Variants in AKAP12 observed in about 807,000 individuals in gnomAD.
AKAP12 encodes the protein A-kinase anchoring protein 12, also known as A-kinase anchor protein 12.
Under a neutral mutation model 79.9 loss-of-function variants are expected in AKAP12, and 32 were observed. The observed-to-expected ratio is 0.40, with a 90% confidence interval of 0.30 to 0.54. The LOEUF is 0.54. AKAP12 is among the 20% of genes least tolerant of loss of function. The pLI is 0.48. For synonymous variants in AKAP12, 808 were observed against 857.0 expected, an observed-to-expected ratio of 0.94 and a Z score of 1.00; for missense variants, 2,074 against 2,177.0, an observed-to-expected ratio of 0.95 and a Z score of 0.94.
At chr6:151,283,562 C>T (rs758226477) in intron 2 of AKAP12, among the ~76,000 whole-genome samples, 8 of 152,192 alleles carry the variant, frequency 5.3e-5, no homozygotes, top group Non-Finnish European at 1.0e-4. Context: ...GTCTGTCCTA[C>T]GCGCTTGGTA....
chr6:151,261,899 G>A (rs1054864456), intron 2 of AKAP12, among the ~76,000 whole-genome samples: 10 of 151,880 alleles, frequency 6.6e-5, no homozygotes, highest in Non-Finnish European at 1.5e-4. Flanking sequence ...TCACATGGGA[G>A]CAAAGTAATA....
Position 151,349,262 on chromosome 6 carries a change from G to A in AKAP12, c.871G>A (p.Glu291Lys). Reference sequence around the variant, plus strand: ...ATCTCCGACTAGTCCCGTGACCAGTGAAACAGGATCAACCTTCAAAAAATT... The same window carrying A: ...ATCTCCGACTAGTCCCGTGACCAGTAAAACAGGATCAACCTTCAAAAAATT... ...AESPTSPVTS[E>K]TGSTFKKFFT... is the part of the protein sequence containing the mutation. The change falls in exon 4 of 5, where the codon GAA becomes AAA. Residue 291 changes from glutamate (E) to lysine (K), a missense_variant. Physicochemically the swap from Glu to Lys is moderately conservative, Grantham distance 56. Around this residue, in one of 3 missense-constraint regions of AKAP12, gnomAD observed 1,428 missense variants for 1,451.0 expected, o/e 0.98. Coordinates refer to ENST00000402676, the MANE Select transcript of AKAP12 (RefSeq NM_005100.4). 1.2e-6 allele frequency: 2 copies of A among 1,613,424 alleles called. No homozygotes were observed. Among genetic ancestry groups the A allele is most frequent in the Non-Finnish European group, 8.5e-7 (1 of 1,179,888 alleles).
intron 2 of AKAP12, among the ~76,000 whole-genome samples, chr6:151,258,384 T>C (rs1797344461): frequency 6.6e-6 from 1 of 152,230 alleles, no homozygotes; most frequent in Non-Finnish European, 1.5e-5. Flanking sequence ...CTGGCTTTTT[T>C]CAGCATTGGA....
At chr6:151,259,671 C>T (rs1797381129) in intron 2 of AKAP12, among the ~76,000 whole-genome samples, 1 of 150,588 alleles carries the variant, frequency 6.6e-6, no homozygotes, top group Non-Finnish European at 1.5e-5. Flanking sequence ...CTCCACCTGC[C>T]AGGTTCAAGC....
At chr6:151,268,447 T>C (rs1776100784) in intron 2 of AKAP12, among the ~76,000 whole-genome samples, 1 of 152,124 alleles carries the variant, frequency 6.6e-6, no homozygotes, top group Non-Finnish European at 1.5e-5. Context: ...ATAGTGTGAC[T>C]ATATGTTCTC....
At chr6:151,261,729 A>AT (rs1476286197) in intron 2 of AKAP12, among the ~76,000 whole-genome samples, 23 of 141,596 alleles carry the variant, frequency 1.6e-4, no homozygotes, top group Admixed American at 1.4e-3. Flanking sequence ...AGTGGTTTTT[A>AT]TTATTTTATT....
At chr6:151,272,694 C>T (rs1776213549) in intron 2 of AKAP12, among the ~76,000 whole-genome samples, 1 of 152,272 alleles carries the variant, frequency 6.6e-6, no homozygotes, top group East Asian at 1.9e-4. Flanking sequence ...TGCTGCCACG[C>T]CCTGTTCATT....
At chr6:151,298,848 C>T (rs1424270934) in intron 2 of AKAP12, 2 of 151,652 alleles carry the variant, frequency 1.3e-5, no homozygotes, top group African/African-American at 4.8e-5. Flanking sequence ...TTTTAAAAGC[C>T]AGTCAAGTTT....
chr6:151,294,654 G>A (rs1776687657), intron 2 of AKAP12, among the ~76,000 whole-genome samples: 1 of 152,222 alleles, frequency 6.6e-6, no homozygotes, highest in African/African-American at 2.4e-5. Flanking sequence ...ATCTCCAGCA[G>A]AGATCTTATA....
Position 151,351,262 on chromosome 6 carries a change from C to G in AKAP12, c.2871C>G (p.Asn957Lys), listed in dbSNP as rs377313534. The G allele has an allele frequency of 1.9e-6, 3 of 1,614,216 alleles. No individual in the cohort carries two copies. Among genetic ancestry groups the G allele is most frequent in the Non-Finnish European group, 2.5e-6 (3 of 1,180,042 alleles). ...CGGTTACTGAACCTCTGCCAGAGAA[C>G]AGAGAGGCCCGGGGCGACACGGTCG... is the stretch of plus-strand genomic sequence containing the variant. ...PPTVTEPLPE[N>K]REARGDTVVS... The change falls in exon 4 of 5, where the codon AAC becomes AAG. Residue 957 changes from asparagine to lysine, a missense_variant. Physicochemically the swap from Asn to Lys is moderately conservative, Grantham distance 94 (BLOSUM62 0). This residue lies in a region of AKAP12 where 1,428 missense variants were observed against 1,451.0 expected (regional missense o/e 0.98). Coordinates refer to ENST00000402676, the MANE Select transcript of AKAP12 (RefSeq NM_005100.4). The surrounding 1 kb of genome is among the most constrained non-coding windows in gnomAD (Gnocchi z 4.4).
At chr6:151,340,521 A>G (rs1448939622) in intron 3 of AKAP12, among the ~76,000 whole-genome samples, 4 of 152,194 alleles carry the variant, frequency 2.6e-5, no homozygotes, top group Non-Finnish European at 4.4e-5. Context: ...GTTCTCACAG[A>G]TGACTATTTT....
Position 151,250,730 on chromosome 6 carries a change from C to T in AKAP12, c.162+10006C>T, listed in dbSNP as rs867893332. On this transcript the variant is annotated intron_variant, in intron 2 of 4. Coordinates refer to ENST00000402676, the MANE Select transcript of AKAP12 (RefSeq NM_005100.4). Reference sequence around the variant, plus strand: ...ACGCCATTCTCCTGCCTCAGCCTCCCGAGTAGCTGGGACTACAGGCGCCCG... The same window carrying T: ...ACGCCATTCTCCTGCCTCAGCCTCCTGAGTAGCTGGGACTACAGGCGCCCG... Among the ~76,000 whole-genome samples the T allele has an allele frequency of 7.3e-4, 111 of 151,256 alleles. 1 individual carries two copies. The highest frequency in any genetic ancestry group is 2.5e-3 in the African/African-American group (104 of 41,348).
At chr6:151,267,159 G>T (rs554827766) in intron 2 of AKAP12, among the ~76,000 whole-genome samples, 3 of 151,858 alleles carry the variant, frequency 2.0e-5, no homozygotes, top group Non-Finnish European at 2.9e-5. Flanking sequence ...ACAGATCAAC[G>T]GGAAGGAATT....
chr6:151,304,723 T>C (rs1363910623), intron 2 of AKAP12, among the ~76,000 whole-genome samples: 1 of 151,590 alleles, frequency 6.6e-6, no homozygotes, highest in Non-Finnish European at 1.5e-5. Context: ...ACTACAGGCA[T>C]GCACCACCAT....
In AKAP12 at chr6:151,291,758, T is replaced by A. The variant is rs184337083; in HGVS notation, c.163-13989T>A. 5.9e-5 allele frequency among the ~76,000 whole-genome samples: 9 copies of A among 152,380 alleles called. No homozygotes were observed. The East Asian group carries it at 9.6e-4, about 16-fold the overall frequency. On this transcript the variant is annotated intron_variant, in intron 2 of 4. Transcript: ENST00000402676. ...TCAGCTAAATGTTTAATGAGTTTTT[T>A]AAGTAACCGATGGATGCCACAGTGT...
intron 2 of AKAP12, among the ~76,000 whole-genome samples, chr6:151,298,076 G>C (rs1474620784): frequency 6.6e-6 from 1 of 152,156 alleles, no homozygotes; most frequent in Non-Finnish European, 1.5e-5. Context: ...TTCCATAGCT[G>C]AGAGGAGCTT....
intron 2 of AKAP12, among the ~76,000 whole-genome samples, chr6:151,271,362 C>T (rs1261663386): frequency 3.3e-5 from 5 of 150,678 alleles, no homozygotes; most frequent in African/African-American, 1.2e-4. Flanking sequence ...CATTCTGTCG[C>T]CCAGGCTACA....
intron 2 of AKAP12, among the ~76,000 whole-genome samples, chr6:151,261,649 C>T (rs149115376): frequency 3.3e-5 from 5 of 151,434 alleles, no homozygotes; most frequent in African/African-American, 9.7e-5. Context: ...TGCAGTGAGC[C>T]GTGATCATGC....
chr6:151,350,024 G>C lies in AKAP12; in HGVS notation c.1633G>C (p.Gly545Arg). The change falls in exon 4 of 5, where the codon GGG becomes CGG. Residue 545 changes from glycine to arginine, a missense_variant. By Grantham distance (125) the Gly-to-Arg change is moderately radical. This residue lies in a region of AKAP12 where 1,428 missense variants were observed against 1,451.0 expected (regional missense o/e 0.98). Transcript: ENST00000402676. This position sits in a 1 kb window ranked among gnomAD's most constrained non-coding sequence, Gnocchi z 4.8. ...GKRGGGDEES[G>R]EHTQVPADSP... is the part of the protein sequence containing the mutation. The stretch of plus-strand genomic sequence containing the variant: ...AAGAGGAGGAGGAGACGAGGAATCA[G>C]GGGAGCACACTCAGGTTCCAGCCGA... The C allele has an allele frequency of 6.2e-7, 1 of 1,614,178 alleles. No homozygotes were observed. Among genetic ancestry groups the C allele is most frequent in the Non-Finnish European group, 8.5e-7 (1 of 1,180,044 alleles).
Sources: allele counts gnomAD v4.1 joint callset (sites outside exome capture counted in the v4.1 genomes callset), GRCh38; gene constraint gnomAD v4.1.1; regional missense constraint gnomAD v4.1.1; non-coding constraint Gnocchi (gnomAD v3.1); transcripts MANE v1.5; gene names NCBI Gene and HGNC (gene_info 2026-07-23, HGNC 2026-07-21).